IPO11: variants seen among roughly 807,000 people sequenced by gnomAD.
IPO11 encodes the protein importin 11.
A neutral mutation model predicts 143.2 loss-of-function variants in IPO11; 66 were observed. That is an observed-to-expected ratio of 0.46 (90% CI 0.38 to 0.57). The LOEUF is 0.57. Ranked by LOEUF, IPO11 falls within the 20% of genes least tolerant of loss-of-function variation. The pLI, the probability that IPO11 is intolerant of heterozygous loss-of-function variation, is 0.00. For synonymous variants in IPO11, 385 were observed against 377.8 expected, an observed-to-expected ratio of 1.02 and a Z score of -0.22; for missense variants, 1,026 against 1,141.0, an observed-to-expected ratio of 0.90 and a Z score of 1.45.
intron 27 of IPO11, among the ~76,000 whole-genome samples, chr5:62,584,403 G>T (rs1281438061): frequency 6.6e-6 from 1 of 151,970 alleles, no homozygotes; most frequent in Non-Finnish European, 1.5e-5. Context: ...TTCGAGACCA[G>T]CCTGGGCAAT....
chr5:62,500,914 G>A (rs1327539527), intron 16 of IPO11, among the ~76,000 whole-genome samples: 1 of 152,164 alleles, frequency 6.6e-6, no homozygotes, highest in Non-Finnish European at 1.5e-5. Flanking sequence ...ACTATGTGAT[G>A]GGAATTTTCA....
At chr5:62,426,694 TA>T (rs948174914) in intron 1 of IPO11, among the ~76,000 whole-genome samples, 4 of 151,866 alleles carry the variant, frequency 2.6e-5, no homozygotes, top group African/African-American at 9.7e-5. Context: ...ATAAGAATGA[TA>T]ACCCCTGGAG....
chr5:62,456,283 G>C (rs148216085), intron 5 of IPO11, among the ~76,000 whole-genome samples: 1 of 152,232 alleles, frequency 6.6e-6, no homozygotes, highest in Admixed American at 6.5e-5. Flanking sequence ...GATCACAGGC[G>C]TGAGCCACCA....
rs1439304853 is a variant in IPO11, at chr5:62,451,552, A to C, written c.313-178A>C. Reference sequence around the variant, plus strand: ...AAAGGAGGACCTCATAGGTCCCAGAAAGGGTCCTAGCTCTACCAGGGGTCC... The same window carrying C: ...AAAGGAGGACCTCATAGGTCCCAGACAGGGTCCTAGCTCTACCAGGGGTCC... On this transcript the variant is annotated intron_variant, in intron 4 of 29. Coordinates refer to ENST00000325324, the MANE Select transcript of IPO11 (RefSeq NM_016338.5). Among the ~76,000 whole-genome samples, 4 of 152,234 alleles carry C rather than the reference A, an allele frequency of 2.6e-5. No homozygotes were observed. In the East Asian group the frequency reaches 7.7e-4, roughly 29 times the overall value.
intron 1 of IPO11, among the ~76,000 whole-genome samples, chr5:62,420,181 C>T (rs1012447191): frequency 2.0e-5 from 3 of 150,754 alleles, no homozygotes; most frequent in African/African-American, 7.3e-5. Context: ...ATCCCAGCTA[C>T]TTGGGAGGCT....
intron 15 of IPO11, among the ~76,000 whole-genome samples, chr5:62,493,726 G>A (rs576335458): frequency 3.7e-3 from 560 of 152,028 alleles, no homozygotes; most frequent in Non-Finnish European, 6.6e-3. Flanking sequence ...ATGCCACCAC[G>A]CCCTGCTAAT....
At chr5:62,609,392 C>T (rs751724540) in intron 29 of IPO11, among the ~76,000 whole-genome samples, 19 of 152,184 alleles carry the variant, frequency 1.2e-4, no homozygotes, top group Admixed American at 2.6e-4. Context: ...ATGGACTAGA[C>T]GTTTAACTGG....
intron 29 of IPO11, among the ~76,000 whole-genome samples, chr5:62,626,466 G>A (rs924957835): frequency 1.3e-5 from 2 of 152,052 alleles, no homozygotes; most frequent in Non-Finnish European, 2.9e-5. Context: ...GGATTCAATC[G>A]GGTATATCAC....
At chr5:62,578,008 C>G (rs1453169216) in intron 27 of IPO11, among the ~76,000 whole-genome samples, 2 of 151,992 alleles carry the variant, frequency 1.3e-5, no homozygotes, top group Non-Finnish European at 2.9e-5. Flanking sequence ...TCTTTAAATT[C>G]TTGAAAAATG....
At chr5:62,620,925 T>A (rs1413260675) in intron 29 of IPO11, among the ~76,000 whole-genome samples, 1 of 152,204 alleles carries the variant, frequency 6.6e-6, no homozygotes, top group African/African-American at 2.4e-5. Context: ...ACAATTTTAT[T>A]TCTGGTTTAC....
chr5:62,517,913 G>A (rs141405951), intron 20 of IPO11, among the ~76,000 whole-genome samples: 2,250 of 152,256 alleles, frequency 0.015, 51 homozygotes, highest in African/African-American at 0.05. Flanking sequence ...CAAACAAGTA[G>A]TATTCTACCT....
intron 19 of IPO11, among the ~76,000 whole-genome samples, chr5:62,513,904 C>T (rs1306926264): frequency 6.4e-5 from 9 of 141,572 alleles, no homozygotes; most frequent in Middle Eastern, 5.0e-3. Flanking sequence ...CGCTCCTCAC[C>T]TCCCAGACGG....
intron 24 of IPO11, among the ~76,000 whole-genome samples, chr5:62,549,575 C>G (rs1743324684): frequency 6.6e-6 from 1 of 152,172 alleles, no homozygotes; most frequent in Admixed American, 6.5e-5. Flanking sequence ...TTGCCCATAA[C>G]CCTCTCAGAT....
intron 23 of IPO11, 49 bp from the exon 24 acceptor site, chr5:62,537,149 TATGCCTTTTTG>T: frequency 1.0e-6 from 1 of 971,898 alleles, no homozygotes; most frequent in South Asian, 1.5e-5. Flanking sequence ...AATGAAATTT[TATGCCTTTTTG>T]ATATTACAGA....
intron 5 of IPO11, among the ~76,000 whole-genome samples, chr5:62,463,252 C>G (rs1465754585): frequency 6.6e-6 from 1 of 151,984 alleles, no homozygotes; most frequent in African/African-American, 2.4e-5. Context: ...CACTTTGTTG[C>G]CTAGGTGGGT....
At chr5:62,456,843 T>C (rs565490575) in intron 5 of IPO11, among the ~76,000 whole-genome samples, 1 of 152,236 alleles carries the variant, frequency 6.6e-6, no homozygotes, top group Admixed American at 6.5e-5. Context: ...CCTGTAATCC[T>C]GGCACTTTAG....
intron 15 of IPO11, among the ~76,000 whole-genome samples, chr5:62,491,147 A>G (rs1176010614): frequency 6.6e-6 from 1 of 152,204 alleles, no homozygotes; most frequent in Non-Finnish European, 1.5e-5. Context: ...TACTTAGCAT[A>G]TAGTCATAGA....
chr5:62,430,685 T>G (rs1190559677), intron 1 of IPO11, among the ~76,000 whole-genome samples: 1 of 151,130 alleles, frequency 6.6e-6, no homozygotes, highest in Non-Finnish European at 1.5e-5. Flanking sequence ...ACTTAATTTT[T>G]TTTTTTTTTT....
chr5:62,426,283 A>G (rs1454459444), intron 1 of IPO11, among the ~76,000 whole-genome samples: 1 of 152,160 alleles, frequency 6.6e-6, no homozygotes, highest in African/African-American at 2.4e-5. Flanking sequence ...GCTACTTGGG[A>G]GGCTGAGGCA....
Sources: allele counts gnomAD v4.1 joint callset (sites outside exome capture counted in the v4.1 genomes callset), GRCh38; gene constraint gnomAD v4.1.1; transcripts MANE v1.5; gene names NCBI Gene and HGNC (gene_info 2026-07-23, HGNC 2026-07-21).